Variants in MAGI1 observed in about 807,000 individuals in gnomAD.
MAGI1 encodes membrane-associated guanylate kinase, WW and PDZ domain-containing protein 1.
In MAGI1, 58 loss-of-function variants were observed where a neutral mutation model predicts 139.9. The observed-to-expected ratio is 0.41, with a 90% CI of 0.34 to 0.52. The LOEUF (loss-of-function observed/expected upper bound fraction) is 0.52. Among genes scored for constraint, MAGI1 ranks in the 20% least tolerant of loss-of-function variants. MAGI1 has a pLI of 0.12. For synonymous variants in MAGI1, 812 were observed against 737.9 expected (o/e 1.10, Z -1.63); for missense variants, 1,874 against 1,901.6 (o/e 0.99, Z 0.27).
At chr3:65,527,652 G>C (rs1056988176) in intron 2 of MAGI1, among the ~76,000 whole-genome samples, 7 of 152,174 alleles carry the variant, frequency 4.6e-5, no homozygotes, top group Admixed American at 2.6e-4. Context: ...GTGAACCCGG[G>C]GGGCAGAGCT....
intron 1 of MAGI1, among the ~76,000 whole-genome samples, chr3:65,725,921 TTCG>T (rs1228887038): frequency 6.6e-6 from 1 of 152,178 alleles, no homozygotes; most frequent in African/African-American, 2.4e-5. Flanking sequence ...GGTAAGTTAA[TTCG>T]TCATAAAAAT....
At chr3:65,865,787 T>C (rs1218883492) in intron 1 of MAGI1, among the ~76,000 whole-genome samples, 2 of 152,146 alleles carry the variant, frequency 1.3e-5, no homozygotes, top group South Asian at 2.1e-4. Flanking sequence ...ATCACCGGCA[T>C]TCGCCACTAC....
At chr3:65,474,325 T>C (rs1257077924) in intron 4 of MAGI1, among the ~76,000 whole-genome samples, 4 of 152,124 alleles carry the variant, frequency 2.6e-5, no homozygotes, top group African/African-American at 9.7e-5. Context: ...AGCCACCACT[T>C]TCTTACTAAA....
intron 12 of MAGI1, among the ~76,000 whole-genome samples, chr3:65,411,025 G>C (rs1001963988): frequency 6.6e-6 from 1 of 152,078 alleles, no homozygotes; most frequent in African/African-American, 2.4e-5. Context: ...TCTCCAGAAA[G>C]GAAAGAAAAA....
intron 1 of MAGI1, among the ~76,000 whole-genome samples, chr3:66,002,054 C>T (rs6779615): frequency 0.12 from 18,110 of 152,104 alleles, 1,516 homozygotes; most frequent in African/African-American, 0.24. Flanking sequence ...GGCTTCCTGC[C>T]TCAATTTCAT....
chr3:65,516,778 A>T (rs917714179), intron 2 of MAGI1, among the ~76,000 whole-genome samples: 7 of 113,592 alleles, frequency 6.2e-5, no homozygotes, highest in African/African-American at 2.0e-4. Context: ...CCCAGGCTGG[A>T]GTGCAGTGGC....
intron 1 of MAGI1, among the ~76,000 whole-genome samples, chr3:66,014,635 A>T (rs2067524080): frequency 6.6e-6 from 1 of 152,242 alleles, no homozygotes; most frequent in African/African-American, 2.4e-5. Flanking sequence ...TTCTAGTGGT[A>T]GAAAGGCTAG....
chr3:65,787,347 C>T (rs763198655), intron 1 of MAGI1, among the ~76,000 whole-genome samples: 5 of 151,834 alleles, frequency 3.3e-5, no homozygotes, highest in Non-Finnish European at 7.4e-5. Flanking sequence ...GAAACCGGAT[C>T]ACCAAATGAT....
chr3:66,011,836 C>CAAAA (rs74963127), intron 1 of MAGI1, among the ~76,000 whole-genome samples: 2 of 99,058 alleles, frequency 2.0e-5, no homozygotes, highest in African/African-American at 3.5e-5. Flanking sequence ...TATGCTGAAC[C>CAAAA]AAAAAAAAAA....
intron 9 of MAGI1, among the ~76,000 whole-genome samples, chr3:65,439,399 C>T (rs941501418): frequency 2.0e-5 from 3 of 152,026 alleles, no homozygotes; most frequent in African/African-American, 4.8e-5. Context: ...TCTATACTCC[C>T]GAATTGCCCA....
At chr3:65,993,620 A>C (rs953284855) in intron 1 of MAGI1, among the ~76,000 whole-genome samples, 10 of 152,188 alleles carry the variant, frequency 6.6e-5, no homozygotes, top group Non-Finnish European at 5.9e-5. Flanking sequence ...ATTTTCTTTT[A>C]ATCAAATTGA....
intron 1 of MAGI1, among the ~76,000 whole-genome samples, chr3:65,622,459 C>T (rs2083733731): frequency 6.6e-6 from 1 of 152,208 alleles, no homozygotes; most frequent in African/African-American, 2.4e-5. Flanking sequence ...ACTGTCAAAT[C>T]ATAAAATGTT....
At chr3:65,869,277 A>G (rs2059840408) in intron 1 of MAGI1, among the ~76,000 whole-genome samples, 1 of 150,488 alleles carries the variant, frequency 6.6e-6, no homozygotes, top group Non-Finnish European at 1.5e-5. Context: ...AAAAACAACA[A>G]CTAATTGATT....
chr3:65,731,680 A>C (rs1559829203), intron 1 of MAGI1, among the ~76,000 whole-genome samples: 2 of 146,616 alleles, frequency 1.4e-5, no homozygotes, highest in Non-Finnish European at 3.0e-5. Flanking sequence ...AAAAAAAAAA[A>C]GAAAGAAAGA....
At chr3:65,368,265 A>G (rs995260682) in intron 18 of MAGI1, among the ~76,000 whole-genome samples, 1 of 152,226 alleles carries the variant, frequency 6.6e-6, no homozygotes, top group African/African-American at 2.4e-5. Context: ...TAAAACTGCA[A>G]GGCACATGGA....
intron 2 of MAGI1, among the ~76,000 whole-genome samples, chr3:65,602,133 C>A (rs1350322089): frequency 1.3e-5 from 2 of 152,070 alleles, no homozygotes; most frequent in Non-Finnish European, 1.5e-5. Flanking sequence ...ATGGTTTAGC[C>A]ACTTTGGAAA....
chr3:65,924,053 T>C (rs1466693964), intron 1 of MAGI1, among the ~76,000 whole-genome samples: 1 of 152,214 alleles, frequency 6.6e-6, no homozygotes, highest in Admixed American at 6.5e-5. Flanking sequence ...TCTTGGGTAA[T>C]ACTAAAATAA....
chr3:65,742,891 G>C (rs928209616), intron 1 of MAGI1, among the ~76,000 whole-genome samples: 1 of 152,180 alleles, frequency 6.6e-6, no homozygotes, highest in African/African-American at 2.4e-5. Flanking sequence ...TCAACAATAT[G>C]TCTGGGAAAT....
At position 65,391,324 on chromosome 3, in the gene MAGI1, G is replaced by A. The variant is rs1943905644; in HGVS notation, c.2234C>T (p.Ser745Phe). 6.2e-7 allele frequency: 1 copy of A among 1,614,090 alleles called. No individual in the cohort carries two copies. The highest frequency in any genetic ancestry group is 1.3e-5 in the African/African-American group (1 of 74,928). ...TCGGTGGCTGGAAACACTGTGCTGA[G>A]AACTATTCTGGCTGTCTTTCCTTTC... ...PLERKDSQNSSQHSVSSHRSL... is the reference protein window; with the variant it reads ...PLERKDSQNSFQHSVSSHRSL... The change falls in exon 14 of 23, where the codon TCT becomes TTT. Residue 745 changes from serine (S) to phenylalanine (F), a missense_variant. Ser to Phe is a radical substitution (Grantham distance 155, BLOSUM62 -2). Coordinates refer to ENST00000402939, the MANE Select transcript of MAGI1 (RefSeq NM_001033057.2).
Sources: gnomAD v4.1 joint callset for allele counts (sites outside exome capture counted in the v4.1 genomes callset) on GRCh38, gnomAD v4.1.1 for gene constraint, MANE v1.5 for transcripts, NCBI Gene and HGNC (gene_info 2026-07-23, HGNC 2026-07-21) for gene names.